Variants in RGSL1 observed in about 807,000 individuals in gnomAD.
The protein encoded by RGSL1 is regulator of G protein signaling protein-like.
A neutral mutation model predicts 124.7 loss-of-function variants in RGSL1; 97 were observed. That is an observed-to-expected ratio of 0.78 (90% confidence interval 0.66 to 0.92). The LOEUF (loss-of-function observed/expected upper bound fraction) is 0.92. Among genes scored for constraint, RGSL1 ranks in the 40% least tolerant of loss-of-function variants. The pLI, the probability that RGSL1 is intolerant of heterozygous loss-of-function variation, is 0.00. For missense variants in RGSL1, 1,233 were observed against 1,288.4 expected, an observed-to-expected ratio of 0.96 and a Z score of 0.66; for synonymous variants, 424 against 438.1, an observed-to-expected ratio of 0.97 and a Z score of 0.40.
intron 10 of RGSL1, 50 bp downstream of exon 10, chr1:182,522,159 A>G: frequency 1.6e-6 from 2 of 1,277,928 alleles, no homozygotes; most frequent in East Asian, 2.5e-5. Context: ...CATGCTTTTG[A>G]AAAACCTCAA....
At chr1:182,504,227 C>G (rs928408801) in intron 9 of RGSL1, among the ~76,000 whole-genome samples, 1 of 151,970 alleles carries the variant, frequency 6.6e-6, no homozygotes, top group East Asian at 1.9e-4. Context: ...GTGATCCGCT[C>G]GCCTACAGCC....
intron 9 of RGSL1, among the ~76,000 whole-genome samples, chr1:182,498,093 T>C (rs1412924473): frequency 1.3e-5 from 2 of 152,156 alleles, no homozygotes; most frequent in Non-Finnish European, 2.9e-5. Context: ...GATTAATAAG[T>C]ATTGTGGGGG....
intron 15 of RGSL1, among the ~76,000 whole-genome samples, chr1:182,543,401 A>G (rs1660014021): frequency 6.6e-6 from 1 of 152,154 alleles, no homozygotes; most frequent in African/African-American, 2.4e-5. Context: ...GATGAATCCC[A>G]TTAGATCACG....
Position 182,532,667 on chromosome 1 carries a change from AG to A in RGSL1, c.2372del (p.Gly791AlafsTer3). 1 of 1,550,662 alleles carries A rather than the reference AG, an allele frequency of 6.4e-7. No individual in the cohort carries two copies. The highest frequency in any genetic ancestry group is 8.7e-7 in the Non-Finnish European group (1 of 1,146,230). ...STYLQESQKK[G>X]WMRMISFIRS... is the part of the protein sequence containing the mutation. Reference sequence around the variant, plus strand: ...ACTCCTCTTTCTTTCCCCAGAAGAAAGGCTGGATGAGAATGATCAGCTTTAT... The same window carrying A: ...ACTCCTCTTTCTTTCCCCAGAAGAAAGCTGGATGAGAATGATCAGCTTTAT... On this transcript the variant is annotated frameshift_variant, in exon 14 of 22. Coordinates refer to ENST00000294854, the MANE Select transcript of RGSL1 (RefSeq NM_001137669.2). LOFTEE classifies it high-confidence loss of function.
At chr1:182,550,071 A>C (rs1660464852) in intron 17 of RGSL1, 1 of 152,178 alleles carries the variant, frequency 6.6e-6, no homozygotes, top group Middle Eastern at 3.2e-3. Flanking sequence ...CTACATACTT[A>C]CAAAGAAATT....
In RGSL1 at chr1:182,513,483, A is replaced by T. The variant is rs114785936; in HGVS notation, c.1826-8521A>T. 1.5e-3 allele frequency among the ~76,000 whole-genome samples: 234 copies of T among 152,324 alleles called. 1 individual carries two copies. Among genetic ancestry groups the T allele is most frequent in the Admixed American group, 2.6e-3 (40 of 15,302 alleles). ...GAAGTGAAATATACTAACAATTTGCACCCCAAGCTGTTTTGCCCTAGTGAA... is the reference window on the plus strand; with the variant it reads ...GAAGTGAAATATACTAACAATTTGCTCCCCAAGCTGTTTTGCCCTAGTGAA... On this transcript the variant is annotated intron_variant, in intron 9 of 21. Coordinates refer to ENST00000294854, the MANE Select transcript of RGSL1 (RefSeq NM_001137669.2).
intron 5 of RGSL1, among the ~76,000 whole-genome samples, chr1:182,472,860 T>C (rs1251157118): frequency 6.6e-6 from 1 of 152,198 alleles, no homozygotes; most frequent in Non-Finnish European, 1.5e-5. Context: ...TGTACTTTTG[T>C]AATTTTATTT....
intron 9 of RGSL1, among the ~76,000 whole-genome samples, chr1:182,495,802 T>C (rs1222934097): frequency 6.6e-6 from 1 of 152,138 alleles, no homozygotes; most frequent in East Asian, 1.9e-4. Context: ...GAAGTGGCAG[T>C]GCCACAGTGG....
In RGSL1 at chr1:182,474,933, C is replaced by A. The variant is rs753683823; in HGVS notation, c.1431+391C>A. On this transcript the variant is annotated intron_variant, in intron 6 of 21. Coordinates refer to ENST00000294854, the MANE Select transcript of RGSL1 (RefSeq NM_001137669.2). ...TTATCTGAGGTGGAACAGTTTCATTCTGAAATCATCCCCCCAGCCCCAAGT... is the reference window on the plus strand; with the variant it reads ...TTATCTGAGGTGGAACAGTTTCATTATGAAATCATCCCCCCAGCCCCAAGT... Among the ~76,000 whole-genome samples, 119 of 152,124 alleles carry A rather than the reference C, an allele frequency of 7.8e-4. 1 individual carries two copies. The highest frequency in any genetic ancestry group is 8.8e-4 in the Non-Finnish European group (60 of 68,012).
chr1:182,510,506 G>A (rs1476242353), intron 9 of RGSL1, among the ~76,000 whole-genome samples: 5 of 55,696 alleles, frequency 9.0e-5, no homozygotes, highest in East Asian at 2.8e-4. Flanking sequence ...GCGAAACCCC[G>A]TCTCCACCAA....
chr1:182,455,953 G>A (rs921473286), intron 2 of RGSL1, among the ~76,000 whole-genome samples: 1 of 152,230 alleles, frequency 6.6e-6, no homozygotes, highest in African/African-American at 2.4e-5. Flanking sequence ...TGGGTGGGCA[G>A]GAGACCTTAA....
chr1:182,548,698 A>AG lies in RGSL1; in HGVS notation c.2809dup. The AG allele has an allele frequency of 6.4e-7, 1 of 1,551,456 alleles. No homozygotes were observed. Among genetic ancestry groups the AG allele is most frequent in the Non-Finnish European group, 8.7e-7 (1 of 1,146,928 alleles). On this transcript the variant is annotated splice_acceptor_variant, in intron 16 of 21. Coordinates refer to ENST00000294854, the MANE Select transcript of RGSL1 (RefSeq NM_001137669.2). LOFTEE classifies it high-confidence loss of function. ...AGTGACAGGCTCCCACTCTGTGGGT[A>AG]GGTGAATGTCCCTGAGTTCCAGAAG...
At chr1:182,456,409 G>A (rs551951533) in intron 2 of RGSL1, among the ~76,000 whole-genome samples, 16 of 151,480 alleles carry the variant, frequency 1.1e-4, no homozygotes, top group South Asian at 2.1e-4. Context: ...TGATTCTCCC[G>A]CCTCAGCCTC....
intron 6 of RGSL1, among the ~76,000 whole-genome samples, chr1:182,479,951 A>G (rs1413277478): frequency 6.6e-6 from 1 of 152,222 alleles, no homozygotes; most frequent in Non-Finnish European, 1.5e-5. Context: ...ATAAATACAT[A>G]CGCACCCAAC....
chr1:182,515,907 C>T (rs1657856111), intron 9 of RGSL1, among the ~76,000 whole-genome samples: 1 of 152,220 alleles, frequency 6.6e-6, no homozygotes, highest in South Asian at 2.1e-4. Context: ...CTGAATTGCA[C>T]CTCTGATGGC....
chr1:182,460,249 G>A, intron 4 of RGSL1, 116 bp downstream of exon 4: 1 of 1,290,554 alleles, frequency 7.7e-7, no homozygotes, highest in Non-Finnish European at 1.0e-6. Flanking sequence ...TGTGTGTGTA[G>A]AAATATAGGA....
chr1:182,489,653 C>T (rs936121733), intron 8 of RGSL1, among the ~76,000 whole-genome samples: 1 of 152,362 alleles, frequency 6.6e-6, no homozygotes, highest in South Asian at 2.1e-4. Context: ...CACCAGCCCA[C>T]CCAGGCAGTG....
chr1:182,475,210 C>A (rs976043759), intron 6 of RGSL1, among the ~76,000 whole-genome samples: 2 of 152,118 alleles, frequency 1.3e-5, no homozygotes, highest in African/African-American at 4.8e-5. Context: ...TATTGAAAAG[C>A]AAGGTCTCCC....
Position 182,510,168 on chromosome 1 carries a change from G to A in RGSL1, c.1826-11836G>A, listed in dbSNP as rs1209384876. On this transcript the variant is annotated intron_variant, in intron 9 of 21. Coordinates refer to ENST00000294854, the MANE Select transcript of RGSL1 (RefSeq NM_001137669.2). ...TCATTTCCTAGATGGGATGGCGGCC[G>A]GGCGCAGACGCTCCTCACTTTCCAG... is the stretch of plus-strand genomic sequence containing the variant. 6.4e-5 allele frequency among the ~76,000 whole-genome samples: 2 copies of A among 31,386 alleles called. 1 individual carries two copies. The highest frequency in any genetic ancestry group is 3.2e-4 in the African/African-American group (2 of 6,174). 20.6% of individuals were successfully genotyped at this position (31,386 alleles called of 152,430 possible). A position where few individuals can be genotyped will look rare whatever the true frequency, so the allele number is the denominator to read the frequency against.
Sources: gnomAD v4.1 joint callset for allele counts (sites outside exome capture counted in the v4.1 genomes callset) on GRCh38, gnomAD v4.1.1 for gene constraint, MANE v1.5 for transcripts, NCBI Gene and HGNC (gene_info 2026-07-23, HGNC 2026-07-21) for gene names.